Variants in DAGLB observed in about 807,000 individuals in gnomAD.
DAGLB encodes diacylglycerol lipase-beta.
DAGLB carries 66 observed loss-of-function variants against 72.1 expected under a neutral mutation model. The observed-to-expected ratio is 0.92, with a 90% CI of 0.75 to 1.12. The LOEUF (loss-of-function observed/expected upper bound fraction) is 1.12, where lower values mean the gene tolerates loss of function less well. Ranked by LOEUF, DAGLB falls within the 50% of genes most tolerant of loss-of-function variation. DAGLB has a pLI of 0.00. For missense variants in DAGLB, 1,065 were observed against 884.9 expected, an observed-to-expected ratio of 1.20 and a Z score of -2.58; for synonymous variants, 414 against 359.5, an observed-to-expected ratio of 1.15 and a Z score of -1.71.
At chr7:6,415,653 G>C (rs1039669963) in intron 11 of DAGLB, among the ~76,000 whole-genome samples, 1 of 151,446 alleles carries the variant, frequency 6.6e-6, no homozygotes, top group Admixed American at 6.6e-5. Context: ...GACCATCCTG[G>C]CTAACACGGT....
intron 11 of DAGLB, among the ~76,000 whole-genome samples, chr7:6,413,607 G>C (rs894704362): frequency 5.9e-5 from 9 of 151,482 alleles, no homozygotes; most frequent in African/African-American, 1.9e-4. Context: ...TCCAGCCTGG[G>C]CGACAGAGCG....
intron 6 of DAGLB, among the ~76,000 whole-genome samples, chr7:6,428,315 C>CAA (rs749361631): frequency 0.23 from 17,971 of 76,718 alleles, 2,002 homozygotes; most frequent in East Asian, 0.29. Flanking sequence ...GACTCTGTCT[C>CAA]AAAAAAAAAA....
chr7:6,430,254 T>TAC (rs1784441185), intron 6 of DAGLB, among the ~76,000 whole-genome samples: 4 of 82,228 alleles, frequency 4.9e-5, no homozygotes, highest in African/African-American at 1.7e-4. Context: ...CATGTGCATA[T>TAC]ATATATATAT....
At chr7:6,420,736 C>A (rs1456032976) in intron 9 of DAGLB, among the ~76,000 whole-genome samples, 2 of 151,886 alleles carry the variant, frequency 1.3e-5, no homozygotes. Context: ...TCACCAGTTA[C>A]AGGAAGCCCC....
At position 6,413,198 on chromosome 7, in the gene DAGLB, C is replaced by G. The variant is rs115329544; in HGVS notation, c.1428-164G>C. Among the ~76,000 whole-genome samples, 1,164 of 152,300 alleles carry G rather than the reference C, an allele frequency of 7.6e-3. 12 individuals are homozygous for G. Among genetic ancestry groups the G allele is most frequent in the African/African-American group, 0.026 (1,091 of 41,570 alleles). ...GGGAAACGTCAGTTATGGCAACTCA[C>G]TGGCCAGATCCTACTAAAGCCACAA... On this transcript the variant is annotated intron_variant, in intron 11 of 14. Transcript: ENST00000297056.
At chr7:6,422,972 G>A (rs575694090) in intron 8 of DAGLB, among the ~76,000 whole-genome samples, 57 of 152,360 alleles carry the variant, frequency 3.7e-4, no homozygotes, top group African/African-American at 1.2e-3. Flanking sequence ...GATCCGATCC[G>A]TGTTCTAGAG....
chr7:6,436,344 G>A lies in DAGLB; in HGVS notation c.419+18C>T, dbSNP rs531505294. 1.3e-6 allele frequency: 2 copies of A among 1,594,462 alleles called. No individual in the cohort carries two copies. The highest frequency in any genetic ancestry group is 2.3e-5 in the South Asian group (2 of 88,522). ...CCTCAAATCCACTGAAACTCAAAGA[G>A]AAGAAGGGAGATGTCACCTGACCAC... On this transcript the variant is annotated intron_variant, in intron 3 of 14. Transcript: ENST00000297056.
chr7:6,432,815 C>A (rs750051582), intron 5 of DAGLB, 22 bp downstream of exon 5: 4 of 1,610,642 alleles, frequency 2.5e-6, no homozygotes, highest in South Asian at 2.2e-5. Context: ...CAGAACTGGA[C>A]ACTCCATGAA....
intron 5 of DAGLB, among the ~76,000 whole-genome samples, 182 bp from the exon 6 acceptor site, chr7:6,430,789 T>C (rs1784462993): frequency 6.6e-6 from 1 of 152,020 alleles, no homozygotes; most frequent in East Asian, 1.9e-4. Flanking sequence ...TCCTCATTTT[T>C]TTTTTTTTTT....
At chr7:6,428,315 C>CAAAAAAAAAAAACAAAA (rs1784374904) in intron 6 of DAGLB, among the ~76,000 whole-genome samples, 1 of 77,014 alleles carries the variant, frequency 1.3e-5, no homozygotes, top group East Asian at 3.5e-4. Flanking sequence ...GACTCTGTCT[C>CAAAAAAAAAAAACAAAA]AAAAAAAAAA....
Position 6,447,933 on chromosome 7 carries a change from A to G in DAGLB, c.-91T>C. 6.8e-7 allele frequency: 1 copy of G among 1,466,788 alleles called. No homozygotes were observed. 90.9% of individuals were successfully genotyped at this position (1,466,788 alleles called of 1,614,324 possible). ...ACCCTCCGGACGCCGCCACCAAATT[A>G]TCGGCGCTCAAGCGCAAACGCAGCG... On this transcript the variant is annotated 5_prime_UTR_variant, in exon 1 of 15. Coordinates refer to ENST00000297056, the MANE Select transcript of DAGLB (RefSeq NM_139179.4).
In DAGLB at chr7:6,447,767, G is replaced by T. The variant is rs748995251; in HGVS notation, c.76C>A (p.Leu26Met). The change falls in exon 1 of 15, where the codon CTG (leucine) becomes ATG (methionine). Residue 26 changes from leucine to methionine, a missense_variant. Leu to Met is a conservative substitution (Grantham distance 15). Coordinates refer to ENST00000297056, the MANE Select transcript of DAGLB (RefSeq NM_139179.4). ...CCTTACCACAGCACTCGCACGACCAGCTCGAAGAACCCTGGGAAGACCAAG... is the reference window on the plus strand; with the variant it reads ...CCTTACCACAGCACTCGCACGACCATCTCGAAGAACCCTGGGAAGACCAAG... ...DDLVFPGFFE[L>M]VVRVLWWIGI... 3 of 1,613,636 alleles carry T rather than the reference G, an allele frequency of 1.9e-6. No homozygotes were observed. The South Asian group carries it at 3.3e-5, about 18-fold the overall frequency.
At chr7:6,437,655 T>A (rs1164389267) in intron 2 of DAGLB, among the ~76,000 whole-genome samples, 1 of 151,788 alleles carries the variant, frequency 6.6e-6, no homozygotes, top group African/African-American at 2.4e-5. Flanking sequence ...TTAATTTTTG[T>A]TTTTGTTTTT....
At position 6,430,617 on chromosome 7, in the gene DAGLB, A is replaced by G; in HGVS notation, c.802-10T>C. The stretch of plus-strand genomic sequence containing the variant: ...CATCCAGATCAGCTTCCTACAAGAG[A>G]AGGACAAAAACTACTGTTTATTAAG... On this transcript the variant is annotated splice_polypyrimidine_tract_variant and intron_variant, in intron 5 of 14. Coordinates refer to ENST00000297056, the MANE Select transcript of DAGLB (RefSeq NM_139179.4). 3.8e-6 allele frequency: 6 copies of G among 1,578,074 alleles called. No individual in the cohort carries two copies. Among genetic ancestry groups the G allele is most frequent in the Non-Finnish European group, 5.2e-6 (6 of 1,157,494 alleles).
At chr7:6,435,500 A>G (rs991740279) in intron 3 of DAGLB, 1 of 160,046 alleles carries the variant, frequency 6.2e-6, no homozygotes, top group Non-Finnish European at 1.4e-5. Flanking sequence ...AAAAAAAAAA[A>G]AAGTTCCTTA....
intron 2 of DAGLB, among the ~76,000 whole-genome samples, chr7:6,440,051 C>CAA (rs1160695528): frequency 2.9e-5 from 2 of 68,040 alleles, no homozygotes; most frequent in African/African-American, 1.2e-4. Flanking sequence ...GACTCTGTCT[C>CAA]AAAAAAAAAA....
intron 11 of DAGLB, among the ~76,000 whole-genome samples, chr7:6,413,976 T>C (rs1247468678): frequency 6.6e-6 from 1 of 152,180 alleles, no homozygotes; most frequent in Non-Finnish European, 1.5e-5. Flanking sequence ...GAAACACCAG[T>C]CAAAACCACC....
rs570074080 is a variant in DAGLB, at chr7:6,421,904, G to A, written c.1141-100C>T. ...TCCTGACACTTCTGTGGAGGATGGC[G>A]GGGATGGCACCATCTCCTAGTTCGG... On this transcript the variant is annotated intron_variant, in intron 8 of 14. Coordinates refer to ENST00000297056, the MANE Select transcript of DAGLB (RefSeq NM_139179.4). The A allele has an allele frequency of 1.5e-3, 2,001 of 1,294,976 alleles. 9 individuals are homozygous for A. Among genetic ancestry groups the A allele is most frequent in the Non-Finnish European group, 2.0e-3 (1,813 of 918,514 alleles). The allele number at this position is 1,294,976 out of a possible 1,614,324, so 80.2% of individuals were successfully genotyped here.
At chr7:6,425,515 C>A (rs1784281080) in intron 7 of DAGLB, among the ~76,000 whole-genome samples, 1 of 152,116 alleles carries the variant, frequency 6.6e-6, no homozygotes. Context: ...TATGATCCAC[C>A]CGCCTCGGCC....
Sources: gnomAD v4.1 joint callset for allele counts (sites outside exome capture counted in the v4.1 genomes callset) on GRCh38, gnomAD v4.1.1 for gene constraint, MANE v1.5 for transcripts, NCBI Gene and HGNC (gene_info 2026-07-23, HGNC 2026-07-21) for gene names.